The following SLC16A10 variants were observed in gnomAD, a reference collection of about 807,000 sequenced individuals.
The protein encoded by SLC16A10 is solute carrier family 16 member 10.
A neutral mutation model predicts 40.0 loss-of-function variants in SLC16A10; 27 were observed. The ratio of observed to expected loss-of-function variants is 0.67; its 90% CI spans 0.50 to 0.93. The LOEUF (loss-of-function observed/expected upper bound fraction) is 0.93. Ranked by LOEUF, SLC16A10 falls within the 40% of genes least tolerant of loss-of-function variation. SLC16A10 has a pLI of 0.00. For missense variants in SLC16A10, 529 were observed against 658.2 expected (o/e 0.80, Z 2.15); for synonymous variants, 213 against 249.8 (o/e 0.85, Z 1.39).
chr6:111,088,215 G>A, intron 1 of SLC16A10, 120 bp downstream of exon 1: 1 of 992,046 alleles, frequency 1.0e-6, no homozygotes, highest in Non-Finnish European at 1.5e-6. Flanking sequence ...TGTGCCAGAG[G>A]GTGCGAGCAG....
At position 111,171,390 on chromosome 6, in the gene SLC16A10, C is replaced by T. The variant is rs556239016; in HGVS notation, c.344-1305C>T. 7.2e-5 allele frequency among the ~76,000 whole-genome samples: 11 copies of T among 152,212 alleles called. 1 individual carries two copies. In the South Asian group the frequency reaches 2.1e-3, roughly 29 times the overall value. ...GGCTTACTGATTGGGCCATGGCTTA[C>T]GCCTGCAATCCCAGCATTTTAGAGG... On this transcript the variant is annotated intron_variant, in intron 1 of 5. Transcript: ENST00000368851.
chr6:111,212,049 C>T (rs976277461), intron 4 of SLC16A10, among the ~76,000 whole-genome samples: 1 of 152,172 alleles, frequency 6.6e-6, no homozygotes, highest in African/African-American at 2.4e-5. Context: ...GCAGCCAGGC[C>T]TAGAACACTG....
intron 1 of SLC16A10, among the ~76,000 whole-genome samples, chr6:111,132,718 G>A (rs912971430): frequency 1.3e-5 from 2 of 152,120 alleles, no homozygotes; most frequent in African/African-American, 4.8e-5. Flanking sequence ...TTCCTAACAG[G>A]GGATTTAAAT....
chr6:111,117,852 A>G (rs1023259314), intron 1 of SLC16A10, among the ~76,000 whole-genome samples: 1 of 152,232 alleles, frequency 6.6e-6, no homozygotes, highest in Non-Finnish European at 1.5e-5. Flanking sequence ...AACAAGTCCC[A>G]GGGACCCAGC....
chr6:111,097,250 A>G (rs888095295), intron 1 of SLC16A10, among the ~76,000 whole-genome samples: 9 of 152,200 alleles, frequency 5.9e-5, no homozygotes, highest in East Asian at 1.9e-4. Flanking sequence ...AGACAATGTC[A>G]TACTCTGTAT....
At chr6:111,215,583 G>C (rs62420361) in intron 4 of SLC16A10, among the ~76,000 whole-genome samples, 14,194 of 152,064 alleles carry the variant, frequency 0.093, 856 homozygotes, top group Non-Finnish European at 0.14. Context: ...ATCTGGCCCC[G>C]TACCATCCTA....
At chr6:111,145,435 T>A (rs1772059761) in intron 1 of SLC16A10, among the ~76,000 whole-genome samples, 4 of 152,178 alleles carry the variant, frequency 2.6e-5, no homozygotes, top group Admixed American at 2.0e-4. Context: ...GTCGTAGTTT[T>A]AAAAATATAT....
intron 1 of SLC16A10, among the ~76,000 whole-genome samples, chr6:111,148,748 C>A (rs779982522): frequency 6.6e-6 from 1 of 152,166 alleles, no homozygotes; most frequent in African/African-American, 2.4e-5. Flanking sequence ...GTCTGTGTGG[C>A]CTTGGGCAAG....
chr6:111,206,499 A>G, intron 3 of SLC16A10, 93 bp from the exon 4 acceptor site: 3 of 1,396,938 alleles, frequency 2.1e-6, no homozygotes, highest in East Asian at 2.3e-5. Context: ...AGCCCATAAC[A>G]TTGCAGAGAA....
At chr6:111,188,144 C>G (rs1266623492) in intron 3 of SLC16A10, among the ~76,000 whole-genome samples, 1 of 152,140 alleles carries the variant, frequency 6.6e-6, no homozygotes, top group Non-Finnish European at 1.5e-5. Flanking sequence ...GTTGCCCTAT[C>G]TCAGTCAGCA....
At chr6:111,131,817 A>G (rs893693309) in intron 1 of SLC16A10, among the ~76,000 whole-genome samples, 8 of 152,234 alleles carry the variant, frequency 5.3e-5, no homozygotes, top group African/African-American at 1.4e-4. Flanking sequence ...GCGCAGCCAG[A>G]AGTCTCTACT....
At chr6:111,170,112 G>A (rs1729653766) in intron 1 of SLC16A10, among the ~76,000 whole-genome samples, 1 of 151,652 alleles carries the variant, frequency 6.6e-6, no homozygotes, top group Admixed American at 6.6e-5. Context: ...GAGACGAGGT[G>A]TCTCCATGTT....
At chr6:111,138,724 G>T (rs1277065039) in intron 1 of SLC16A10, among the ~76,000 whole-genome samples, 1 of 151,884 alleles carries the variant, frequency 6.6e-6, no homozygotes, top group South Asian at 2.1e-4. Context: ...GGGCTCAAGT[G>T]ATCCTCCTGC....
At position 111,206,605 on chromosome 6, in the gene SLC16A10, A is replaced by G. The variant is rs761652083; in HGVS notation, c.956A>G (p.Asn319Ser). The change falls in exon 4 of 6, where the codon AAT becomes AGT. Residue 319 changes from asparagine (N) to serine (S), a missense_variant. Physicochemically the swap from Asn to Ser is conservative, Grantham distance 46 (BLOSUM62 1). Transcript: ENST00000368851. Reference sequence around the variant, plus strand: ...TTTGGCCTATAGATGAAACATGTAAATGAAAGATTTCAAGATGAAAAAAAT... The same window carrying G: ...TTTGGCCTATAGATGAAACATGTAAGTGAAAGATTTCAAGATGAAAAAAAT... ...VPYVHLMKHV[N>S]ERFQDEKNKE... 124 of 1,613,974 alleles carry G rather than the reference A, an allele frequency of 7.7e-5. No homozygotes were observed. The Admixed American group carries it at 9.5e-4, about 12-fold the overall frequency.
chr6:111,111,947 C>G (rs1771393896), intron 1 of SLC16A10, among the ~76,000 whole-genome samples: 1 of 152,072 alleles, frequency 6.6e-6, no homozygotes, highest in Non-Finnish European at 1.5e-5. Context: ...TCAACAAAGT[C>G]CTTAACTGAG....
chr6:111,093,771 G>T (rs1010088884), intron 1 of SLC16A10, among the ~76,000 whole-genome samples: 5 of 152,086 alleles, frequency 3.3e-5, no homozygotes, highest in Non-Finnish European at 4.4e-5. Context: ...AAAAATACCT[G>T]ATTGTTATTT....
intron 1 of SLC16A10, among the ~76,000 whole-genome samples, chr6:111,150,490 C>T (rs1382856610): frequency 6.6e-6 from 1 of 152,218 alleles, no homozygotes; most frequent in African/African-American, 2.4e-5. Context: ...TCATCATCAT[C>T]TGTGGCTGTA....
At chr6:111,204,145 G>A (rs1335068063) in intron 3 of SLC16A10, among the ~76,000 whole-genome samples, 2 of 152,174 alleles carry the variant, frequency 1.3e-5, no homozygotes, top group Non-Finnish European at 2.9e-5. Context: ...TCCCGGTGAG[G>A]AGTGAAAGGA....
At chr6:111,121,014 A>T (rs1194791572) in intron 1 of SLC16A10, among the ~76,000 whole-genome samples, 6 of 152,206 alleles carry the variant, frequency 3.9e-5, no homozygotes, top group Non-Finnish European at 8.8e-5. Context: ...AATAGAAAAA[A>T]ATATATATTT....
Sources: allele counts gnomAD v4.1 joint callset (sites outside exome capture counted in the v4.1 genomes callset), GRCh38; gene constraint gnomAD v4.1.1; transcripts MANE v1.5; gene names NCBI Gene and HGNC (gene_info 2026-07-23, HGNC 2026-07-21).